BMP5: variants seen among roughly 807,000 people sequenced by gnomAD.
The protein encoded by BMP5 is bone morphogenetic protein 5.
A neutral mutation model predicts 46.6 loss-of-function variants in BMP5; 23 were observed. That is an observed-to-expected ratio of 0.49 (90% CI 0.35 to 0.70). The LOEUF is 0.70. BMP5 is among the 30% of genes least tolerant of loss of function. The pLI is 0.00. For synonymous variants in BMP5, 204 were observed against 191.9 expected (o/e 1.06, Z -0.52); for missense variants, 545 against 565.6 (o/e 0.96, Z 0.37).
At position 55,845,755 on chromosome 6, in the gene BMP5, C is replaced by G. The variant is rs3798828; in HGVS notation, c.491-25908G>C. Among the ~76,000 whole-genome samples the G allele has an allele frequency of 5.3e-5, 8 of 151,994 alleles. No individual in the cohort carries two copies. The East Asian group carries it at 1.4e-3, about 26-fold the overall frequency. On this transcript the variant is annotated intron_variant, in intron 1 of 6. Coordinates refer to ENST00000370830, the MANE Select transcript of BMP5 (RefSeq NM_021073.4). ...GATTTGGAGGTTACACCATGAACCCCCTGGACTCAAGTTTATCAAATTCCT... is the reference window on the plus strand; with the variant it reads ...GATTTGGAGGTTACACCATGAACCCGCTGGACTCAAGTTTATCAAATTCCT...
intron 1 of BMP5, among the ~76,000 whole-genome samples, chr6:55,851,471 T>C (rs1342875706): frequency 6.6e-6 from 1 of 152,130 alleles, no homozygotes; most frequent in Non-Finnish European, 1.5e-5. Context: ...AGTTCTCCCA[T>C]GGAGGCAGGT....
At chr6:55,762,582 T>C (rs1431883237) in intron 4 of BMP5, among the ~76,000 whole-genome samples, 1 of 152,126 alleles carries the variant, frequency 6.6e-6, no homozygotes, top group Non-Finnish European at 1.5e-5. Context: ...TTCAGGGAAA[T>C]ATCTCCCTTG....
intron 2 of BMP5, among the ~76,000 whole-genome samples, chr6:55,795,312 TA>T (rs1308829949): frequency 6.6e-6 from 1 of 152,098 alleles, no homozygotes; most frequent in African/African-American, 2.4e-5. Context: ...AGGTTAACTG[TA>T]AAACACTGTA....
chr6:55,756,035 G>T (rs930322796), intron 6 of BMP5, among the ~76,000 whole-genome samples: 1 of 151,902 alleles, frequency 6.6e-6, no homozygotes, highest in Non-Finnish European at 1.5e-5. Flanking sequence ...ATATCATGAG[G>T]AATATGGAAG....
intron 1 of BMP5, chr6:55,865,501 C>T (rs1777618362): frequency 2.2e-6 from 1 of 456,550 alleles, no homozygotes; most frequent in Non-Finnish European, 4.4e-6. Flanking sequence ...CTCATGAAGG[C>T]TCTGACATAG....
At chr6:55,801,362 A>T (rs1019772828) in intron 2 of BMP5, among the ~76,000 whole-genome samples, 6 of 152,222 alleles carry the variant, frequency 3.9e-5, no homozygotes, top group African/African-American at 1.4e-4. Flanking sequence ...AGTTCCTCTG[A>T]ATCTAGGGCA....
intron 1 of BMP5, among the ~76,000 whole-genome samples, chr6:55,854,573 T>C (rs542109692): frequency 1.8e-4 from 27 of 152,204 alleles, no homozygotes; most frequent in African/African-American, 6.3e-4. Flanking sequence ...TTTACTAGAC[T>C]CATTTCACAA....
In BMP5 at chr6:55,846,074, C is replaced by T. The variant is rs9475426; in HGVS notation, c.491-26227G>A. On this transcript the variant is annotated intron_variant, in intron 1 of 6. Coordinates refer to ENST00000370830, the MANE Select transcript of BMP5 (RefSeq NM_021073.4). ...CCTCATAGTGAAAAATTTATTTTCTCAGGCCCCACACAGTCTTTGAATGGC... is the reference window on the plus strand; with the variant it reads ...CCTCATAGTGAAAAATTTATTTTCTTAGGCCCCACACAGTCTTTGAATGGC... 5.8e-3 allele frequency among the ~76,000 whole-genome samples: 876 copies of T among 152,042 alleles called. 12 individuals carry two copies. The highest frequency in any genetic ancestry group is 0.02 in the African/African-American group (826 of 41,538).
chr6:55,839,379 G>C (rs1044940598), intron 1 of BMP5, among the ~76,000 whole-genome samples: 7 of 151,914 alleles, frequency 4.6e-5, no homozygotes, highest in Non-Finnish European at 1.0e-4. Context: ...CTGGAATACA[G>C]TGGTACAATC....
Position 55,874,792 on chromosome 6 carries a change from G to A in BMP5, c.74C>T (p.Ala25Val). The change falls in exon 1 of 7, where the codon GCA becomes GTA. Residue 25 changes from alanine (A) to valine (V), a missense_variant. Physicochemically the swap from Ala to Val is moderately conservative, Grantham distance 64 (BLOSUM62 0). Coordinates refer to ENST00000370830, the MANE Select transcript of BMP5 (RefSeq NM_021073.4). ...ATGATTGTCTCCCAAACCTCCTTTT[G>A]CATAACCCACTAGAACCCAGCAGCT... Reference protein sequence around the residue: ...LWSCWVLVGYAKGGLGDNHVH... With the variant: ...LWSCWVLVGYVKGGLGDNHVH... The A allele has an allele frequency of 1.1e-5, 18 of 1,613,186 alleles. No homozygotes were observed. The highest frequency in any genetic ancestry group is 1.5e-5 in the Non-Finnish European group (18 of 1,179,614).
chr6:55,846,466 C>T (rs376338598), intron 1 of BMP5, among the ~76,000 whole-genome samples: 3 of 151,892 alleles, frequency 2.0e-5, no homozygotes, highest in African/African-American at 7.2e-5. Flanking sequence ...CTCGTGGTAG[C>T]GTTACTTAAT....
intron 1 of BMP5, among the ~76,000 whole-genome samples, chr6:55,835,797 G>A (rs559547212): frequency 4.6e-5 from 7 of 152,266 alleles, no homozygotes; most frequent in African/African-American, 1.4e-4. Context: ...CGCTTCAGTG[G>A]CAAGAGACTA....
At position 55,761,691 on chromosome 6, in the gene BMP5, T is replaced by C. The variant is rs182603525; in HGVS notation, c.1028-1158A>G. Among the ~76,000 whole-genome samples the C allele has an allele frequency of 5.3e-5, 8 of 152,244 alleles. No homozygotes were observed. The East Asian group carries it at 1.5e-3, about 29-fold the overall frequency. ...CAAGACCTTCACTACCCTTTTAATA[T>C]TGCAACTCTCACCCTGATACACCTG... On this transcript the variant is annotated intron_variant, in intron 4 of 6. Transcript: ENST00000370830.
At chr6:55,773,006 G>C in intron 4 of BMP5, 1 of 792,116 alleles carries the variant, frequency 1.3e-6, no homozygotes, top group Non-Finnish European at 1.5e-6. Context: ...TGTATGACCT[G>C]TCATTTTCAA....
chr6:55,755,451 C>A lies in BMP5; in HGVS notation c.*82G>T. On this transcript the variant is annotated 3_prime_UTR_variant, in exon 7 of 7. Coordinates refer to ENST00000370830, the MANE Select transcript of BMP5 (RefSeq NM_021073.4). ...GAGCCAGACTAATTTTAGGAAATTC[C>A]CCGTTTGTCTGAAAGTATGCTTTTT... The A allele has an allele frequency of 7.2e-7, 1 of 1,382,264 alleles. No homozygotes were observed. The allele number at this position is 1,382,264 out of a possible 1,614,324, so 85.6% of individuals were successfully genotyped here. A position where few individuals can be genotyped will look rare whatever the true frequency, so the allele number is the denominator to read the frequency against.
chr6:55,831,195 G>A (rs1053558217), intron 1 of BMP5, among the ~76,000 whole-genome samples: 1 of 152,010 alleles, frequency 6.6e-6, no homozygotes, highest in African/African-American at 2.4e-5. Flanking sequence ...AAATCCAAGA[G>A]GAAAAGACCA....
At chr6:55,776,979 C>A (rs534065185) in intron 3 of BMP5, among the ~76,000 whole-genome samples, 7 of 151,998 alleles carry the variant, frequency 4.6e-5, no homozygotes, top group African/African-American at 1.4e-4. Context: ...GTATTTGAAG[C>A]AAAGTACCCT....
chr6:55,771,440 G>A (rs539462146), intron 4 of BMP5, among the ~76,000 whole-genome samples: 1 of 151,584 alleles, frequency 6.6e-6, no homozygotes, highest in African/African-American at 2.4e-5. Flanking sequence ...GCAGTGCCGG[G>A]CAGTTTCTGC....
intron 1 of BMP5, among the ~76,000 whole-genome samples, chr6:55,829,508 T>TA (rs1491534898): frequency 3.5e-5 from 5 of 144,212 alleles, no homozygotes; most frequent in African/African-American, 1.5e-4. Context: ...TATATATATA[T>TA]TTTTTACTTC....
Sources: gnomAD v4.1 joint callset for allele counts (sites outside exome capture counted in the v4.1 genomes callset) on GRCh38, gnomAD v4.1.1 for gene constraint, MANE v1.5 for transcripts, NCBI Gene and HGNC (gene_info 2026-07-23, HGNC 2026-07-21) for gene names.